Variants in GHR observed in about 807,000 individuals in gnomAD.
GHR encodes GH receptor.
In GHR, 35 loss-of-function variants were observed where a neutral mutation model predicts 67.1. That is an observed-to-expected ratio of 0.52 (90% CI 0.40 to 0.69). The LOEUF (loss-of-function observed/expected upper bound fraction) is 0.69, where lower values mean the gene tolerates loss of function less well. Ranked by LOEUF, GHR falls within the 30% of genes least tolerant of loss-of-function variation. The pLI is 0.00. For synonymous variants in GHR, 272 were observed against 269.1 expected, an observed-to-expected ratio of 1.01 and a Z score of -0.10; for missense variants, 792 against 764.6, an observed-to-expected ratio of 1.04 and a Z score of -0.42.
intron 2 of GHR, among the ~76,000 whole-genome samples, chr5:42,612,339 G>T (rs1241476037): frequency 6.6e-6 from 1 of 152,152 alleles, no homozygotes; most frequent in Non-Finnish European, 1.5e-5. Flanking sequence ...CGGATAGGAT[G>T]TTATAAGTTT....
intron 6 of GHR, among the ~76,000 whole-genome samples, chr5:42,710,629 C>T (rs1040547181): frequency 3.3e-5 from 5 of 151,850 alleles, no homozygotes; most frequent in African/African-American, 1.2e-4. Context: ...TGGCTTTAAG[C>T]CTTCCAGAGC....
intron 1 of GHR, among the ~76,000 whole-genome samples, chr5:42,498,776 A>G (rs1746420954): frequency 6.6e-6 from 1 of 152,204 alleles, no homozygotes; most frequent in African/African-American, 2.4e-5. Context: ...CCTGGAAAAT[A>G]TAGAAATTTG....
chr5:42,627,572 C>T (rs1188745394), intron 2 of GHR, among the ~76,000 whole-genome samples: 1 of 152,222 alleles, frequency 6.6e-6, no homozygotes, highest in Non-Finnish European at 1.5e-5. Flanking sequence ...TTGAAATGAG[C>T]GAGTTCCCTG....
At chr5:42,597,669 C>T (rs1395033393) in intron 2 of GHR, among the ~76,000 whole-genome samples, 6 of 152,190 alleles carry the variant, frequency 3.9e-5, no homozygotes, top group African/African-American at 7.2e-5. Context: ...CCAGTATCTA[C>T]GATTGACAAT....
At chr5:42,668,434 C>T (rs1167537232) in intron 3 of GHR, among the ~76,000 whole-genome samples, 1 of 152,020 alleles carries the variant, frequency 6.6e-6, no homozygotes, top group African/African-American at 2.4e-5. Flanking sequence ...CCACTAGATG[C>T]CAGTATCACC....
intron 1 of GHR, among the ~76,000 whole-genome samples, chr5:42,450,051 C>T (rs1743980843): frequency 6.6e-6 from 1 of 152,058 alleles, no homozygotes; most frequent in South Asian, 2.1e-4. Context: ...CAGTTAGCTA[C>T]TACTTTGTTG....
chr5:42,583,878 G>GAT (rs138386131), intron 2 of GHR, among the ~76,000 whole-genome samples: 3,489 of 138,890 alleles, frequency 0.025, 128 homozygotes, highest in African/African-American at 0.073. Context: ...TTTAAATAAA[G>GAT]ATATATATAT....
At chr5:42,662,821 G>A (rs552457261) in intron 3 of GHR, among the ~76,000 whole-genome samples, 2 of 152,240 alleles carry the variant, frequency 1.3e-5, no homozygotes, top group East Asian at 3.9e-4. Flanking sequence ...CCAGGAGCTG[G>A]TTTTTGGAAA....
chr5:42,462,403 C>G (rs1744524563), intron 1 of GHR, among the ~76,000 whole-genome samples: 1 of 152,058 alleles, frequency 6.6e-6, no homozygotes, highest in Non-Finnish European at 1.5e-5. Context: ...TTTAAGATTC[C>G]TTATTTACTT....
At chr5:42,675,609 T>C (rs771486467) in intron 3 of GHR, among the ~76,000 whole-genome samples, 20 of 152,200 alleles carry the variant, frequency 1.3e-4, no homozygotes, top group East Asian at 7.7e-4. Flanking sequence ...CCAGGATAAA[T>C]TGTATTCAAC....
In GHR at chr5:42,538,608, TTC is replaced by T. The variant is rs1401473753; in HGVS notation, c.-11-27254_-11-27253del. 3.9e-5 allele frequency among the ~76,000 whole-genome samples: 6 copies of T among 152,198 alleles called. No individual in the cohort carries two copies. The East Asian group carries it at 1.2e-3, about 29-fold the overall frequency. ...TGCTTTTGCCTCACAGCTCTTAGAA[TTC>T]TTTCTTTTGTCTTAACTTTAGATAA... is the stretch of plus-strand genomic sequence containing the variant. On this transcript the variant is annotated intron_variant, in intron 1 of 9. Coordinates refer to ENST00000230882, the MANE Select transcript of GHR (RefSeq NM_000163.5).
intron 2 of GHR, among the ~76,000 whole-genome samples, chr5:42,591,043 C>T (rs1232336231): frequency 6.6e-6 from 1 of 152,218 alleles, no homozygotes; most frequent in Non-Finnish European, 1.5e-5. Flanking sequence ...CTGCATTAGG[C>T]AAATGTACAC....
chr5:42,579,173 TA>T (rs1382885406), intron 2 of GHR, among the ~76,000 whole-genome samples: 4 of 145,348 alleles, frequency 2.8e-5, no homozygotes, highest in Admixed American at 6.8e-5. Context: ...GATAGATAGA[TA>T]GATAGATAGA....
chr5:42,679,737 G>T (rs1450957749), intron 3 of GHR, among the ~76,000 whole-genome samples: 1 of 152,072 alleles, frequency 6.6e-6, no homozygotes, highest in Non-Finnish European at 1.5e-5. Context: ...CTATGCCTCA[G>T]TGTCATCTAT....
chr5:42,477,570 C>T (rs1212945265), intron 1 of GHR, among the ~76,000 whole-genome samples: 1 of 152,200 alleles, frequency 6.6e-6, no homozygotes, highest in Non-Finnish European at 1.5e-5. Context: ...TTAATGATCG[C>T]CATTCCAACT....
intron 3 of GHR, among the ~76,000 whole-genome samples, chr5:42,658,407 A>C (rs1205204035): frequency 6.6e-6 from 1 of 152,200 alleles, no homozygotes; most frequent in Non-Finnish European, 1.5e-5. Flanking sequence ...GGGTTATAAT[A>C]ATATATACAG....
intron 1 of GHR, among the ~76,000 whole-genome samples, chr5:42,443,158 A>G (rs548979256): frequency 5.7e-4 from 87 of 152,352 alleles, no homozygotes; most frequent in Non-Finnish European, 1.1e-3. Flanking sequence ...GACTTCTCTT[A>G]GCCAGGATAC....
rs556872368 is a variant in GHR at position 42,634,810 on chromosome 5, A to G, written c.136+5707A>G. ...GCAGGACATATCAGTTCAACTGCCA[A>G]GGGAATCATAAATAGTCCTACTCCT... On this transcript the variant is annotated intron_variant, in intron 3 of 9. Transcript: ENST00000230882. 6.2e-4 allele frequency among the ~76,000 whole-genome samples: 94 copies of G among 152,260 alleles called. No homozygotes were observed. The South Asian group carries it at 6.9e-3, about 11-fold the overall frequency.
chr5:42,554,054 T>G (rs1310718908), intron 1 of GHR, among the ~76,000 whole-genome samples: 1 of 152,176 alleles, frequency 6.6e-6, no homozygotes, highest in Non-Finnish European at 1.5e-5. Context: ...ATAGCACATT[T>G]GGTTTGCACT....
Sources: gnomAD v4.1 joint callset for allele counts (sites outside exome capture counted in the v4.1 genomes callset) on GRCh38, gnomAD v4.1.1 for gene constraint, MANE v1.5 for transcripts, NCBI Gene and HGNC (gene_info 2026-07-23, HGNC 2026-07-21) for gene names.